The following CPNE4 variants were observed in gnomAD, a reference collection of about 807,000 sequenced individuals.
CPNE4 encodes copine 4.
Under a neutral mutation model 67.9 loss-of-function variants are expected in CPNE4, and 25 were observed. The observed-to-expected ratio is 0.37, with a 90% CI of 0.27 to 0.51. The LOEUF (loss-of-function observed/expected upper bound fraction) is 0.51, where lower values mean the gene tolerates loss of function less well. Ranked by LOEUF, CPNE4 falls within the 20% of genes least tolerant of loss-of-function variation. The probability of loss-of-function intolerance (pLI) is 0.93; values close to 1 mark genes in which losing one functional copy is unlikely to be tolerated. For missense variants in CPNE4, 464 were observed against 690.8 expected, an observed-to-expected ratio of 0.67 and a Z score of 3.68; for synonymous variants, 242 against 244.9, an observed-to-expected ratio of 0.99 and a Z score of 0.11.
At chr3:131,850,473 G>C (rs1396650100) in intron 2 of CPNE4, among the ~76,000 whole-genome samples, 1 of 152,088 alleles carries the variant, frequency 6.6e-6, no homozygotes, top group Non-Finnish European at 1.5e-5. Context: ...AGGGAATGTA[G>C]AACACCCAGC....
intron 1 of CPNE4, among the ~76,000 whole-genome samples, chr3:131,950,146 T>C (rs2071680021): frequency 6.6e-6 from 1 of 152,192 alleles, no homozygotes; most frequent in African/African-American, 2.4e-5. Flanking sequence ...CCTAAAAACT[T>C]CTGGTCACAA....
intron 2 of CPNE4, among the ~76,000 whole-genome samples, chr3:131,738,211 C>T (rs972309072): frequency 2.6e-5 from 4 of 152,248 alleles, no homozygotes; most frequent in Non-Finnish European, 5.9e-5. Flanking sequence ...CAAAGAAAGA[C>T]AGAAAATAAA....
intron 1 of CPNE4, among the ~76,000 whole-genome samples, chr3:131,944,256 G>C (rs1189143572): frequency 1.3e-5 from 2 of 151,650 alleles, no homozygotes; most frequent in East Asian, 3.9e-4. Context: ...TACATGCAGG[G>C]AAAGCCCAGA....
At chr3:131,719,928 A>G (rs781566031) in intron 3 of CPNE4, among the ~76,000 whole-genome samples, 22 of 152,238 alleles carry the variant, frequency 1.4e-4, no homozygotes, top group Non-Finnish European at 1.9e-4. Context: ...AAACTCTTGC[A>G]AGTGGGTGAT....
chr3:132,014,860 T>A (rs1389341306), intron 1 of CPNE4, among the ~76,000 whole-genome samples: 1 of 152,172 alleles, frequency 6.6e-6, no homozygotes, highest in African/African-American at 2.4e-5. Flanking sequence ...TGGAAAAAAA[T>A]TGACTTTTGT....
chr3:131,928,982 C>T (rs571471862), intron 1 of CPNE4, among the ~76,000 whole-genome samples: 39 of 152,214 alleles, frequency 2.6e-4, no homozygotes, highest in African/African-American at 8.9e-4. Context: ...AAAAGCAGAT[C>T]TAGATAGTCT....
intron 2 of CPNE4, among the ~76,000 whole-genome samples, chr3:131,897,217 G>A (rs1473171044): frequency 6.6e-6 from 1 of 151,988 alleles, no homozygotes; most frequent in Non-Finnish European, 1.5e-5. Context: ...CATGGGTATT[G>A]GAGACACAAA....
Position 131,793,341 on chromosome 3 carries a change from T to A in CPNE4, c.181-69716A>T, listed in dbSNP as rs76994995. On this transcript the variant is annotated intron_variant, in intron 2 of 15. Transcript: ENST00000429747. ...TATCACATCACTCCCCTGCTTAAAATTCTTTGTGGTTTTCTATAGTTCTTA... is the reference window on the plus strand; with the variant it reads ...TATCACATCACTCCCCTGCTTAAAAATCTTTGTGGTTTTCTATAGTTCTTA... Among the ~76,000 whole-genome samples the A allele has an allele frequency of 1.9e-3, 294 of 152,292 alleles. 11 individuals are homozygous for A. In the East Asian group the frequency reaches 0.051, roughly 27 times the overall value.
chr3:131,949,171 CTA>C (rs2071646568), intron 1 of CPNE4, among the ~76,000 whole-genome samples: 1 of 152,180 alleles, frequency 6.6e-6, no homozygotes, highest in South Asian at 2.1e-4. Flanking sequence ...AAGCCCATCT[CTA>C]TGATTTGCAG....
At chr3:131,880,408 C>T (rs1403026150) in intron 2 of CPNE4, among the ~76,000 whole-genome samples, 3 of 152,192 alleles carry the variant, frequency 2.0e-5, no homozygotes, top group Non-Finnish European at 4.4e-5. Context: ...GCCACCACCC[C>T]CGGCGGCATA....
At chr3:131,902,394 C>T (rs900969449) in intron 2 of CPNE4, among the ~76,000 whole-genome samples, 1 of 151,980 alleles carries the variant, frequency 6.6e-6, no homozygotes, top group African/African-American at 2.4e-5. Context: ...TATTATTTGT[C>T]CCACCAGTTC....
chr3:131,781,035 A>G (rs2083421305), intron 2 of CPNE4, among the ~76,000 whole-genome samples: 2 of 152,178 alleles, frequency 1.3e-5, no homozygotes, highest in African/African-American at 4.8e-5. Context: ...TTGCTCAGGC[A>G]TCTCCTCAAA....
At chr3:131,557,524 G>A (rs1252772030) in intron 11 of CPNE4, among the ~76,000 whole-genome samples, 1 of 152,024 alleles carries the variant, frequency 6.6e-6, no homozygotes, top group Non-Finnish European at 1.5e-5. Context: ...GTTAGGGGCT[G>A]GGAGATACAA....
At chr3:131,892,840 A>G (rs1416800199) in intron 2 of CPNE4, among the ~76,000 whole-genome samples, 1 of 152,044 alleles carries the variant, frequency 6.6e-6, no homozygotes, top group Non-Finnish European at 1.5e-5. Context: ...TAAACAAATG[A>G]GAAAGAGAAT....
chr3:131,708,724 G>T lies in CPNE4; in HGVS notation c.361-8744C>A, dbSNP rs990635815. Among the ~76,000 whole-genome samples, 7 of 151,928 alleles carry T rather than the reference G, an allele frequency of 4.6e-5. No individual in the cohort carries two copies. The East Asian group carries it at 1.4e-3, about 30-fold the overall frequency. On this transcript the variant is annotated intron_variant, in intron 3 of 15. Coordinates refer to ENST00000429747, the MANE Select transcript of CPNE4 (RefSeq NM_130808.3). ...GGGGGGACATTCAACTAGGACAGAG[G>T]CTGTATCCTTGTTTTTGTGGTGATA...
intron 7 of CPNE4, among the ~76,000 whole-genome samples, chr3:131,650,158 A>G (rs900766468): frequency 6.6e-6 from 1 of 152,198 alleles, no homozygotes; most frequent in South Asian, 2.1e-4. Context: ...CACTAGTATA[A>G]CTGCCCTTTA....
chr3:131,643,133 G>A (rs1463731805), intron 7 of CPNE4, among the ~76,000 whole-genome samples: 1 of 152,224 alleles, frequency 6.6e-6, no homozygotes, highest in East Asian at 1.9e-4. Flanking sequence ...GGTGGTCTCT[G>A]ACGGAGATGA....
chr3:131,603,448 T>C (rs1177803466), intron 7 of CPNE4, among the ~76,000 whole-genome samples: 3 of 152,198 alleles, frequency 2.0e-5, no homozygotes, highest in Non-Finnish European at 2.9e-5. Flanking sequence ...GTGATGGATT[T>C]TTTATGCAAG....
chr3:131,545,316 T>C (rs986901451), intron 14 of CPNE4, among the ~76,000 whole-genome samples: 1 of 152,208 alleles, frequency 6.6e-6, no homozygotes, highest in African/African-American at 2.4e-5. Flanking sequence ...TTTAGTTTAG[T>C]TATAGTTTAT....
Sources: gnomAD v4.1 joint callset for allele counts (sites outside exome capture counted in the v4.1 genomes callset) on GRCh38, gnomAD v4.1.1 for gene constraint, MANE v1.5 for transcripts, NCBI Gene and HGNC (gene_info 2026-07-23, HGNC 2026-07-21) for gene names.